The following MAML1 variants were observed in gnomAD, a reference collection of about 807,000 sequenced individuals.
MAML1 encodes the protein mastermind-like protein 1.
Under a neutral mutation model 77.1 loss-of-function variants are expected in MAML1, and 14 were observed. That is an observed-to-expected ratio of 0.18 (90% CI 0.12 to 0.28). The LOEUF (loss-of-function observed/expected upper bound fraction) is 0.28. Ranked by LOEUF, MAML1 falls within the 10% of genes least tolerant of loss-of-function variation. MAML1 has a pLI of 1.00. For synonymous variants in MAML1, 516 were observed against 551.9 expected, an observed-to-expected ratio of 0.93 and a Z score of 0.91; for missense variants, 1,217 against 1,327.8, an observed-to-expected ratio of 0.92 and a Z score of 1.30.
At chr5:179,753,550 T>C (rs998060023) in intron 1 of MAML1, among the ~76,000 whole-genome samples, 5 of 152,000 alleles carry the variant, frequency 3.3e-5, no homozygotes, top group East Asian at 1.9e-4. Flanking sequence ...CACCGAGTGA[T>C]TGATGCCTCG....
rs767373656 is a variant in MAML1, at chr5:179,764,986, A to AT, written c.316-340_316-339insT. Among the ~76,000 whole-genome samples the AT allele has an allele frequency of 5.1e-4, 51 of 100,318 alleles. 1 individual carries two copies. The highest frequency in any genetic ancestry group is 1.8e-3 in the Admixed American group (15 of 8,532). 65.8% of individuals were successfully genotyped at this position (100,318 alleles called of 152,430 possible). A position where few individuals can be genotyped will look rare whatever the true frequency, so the allele number is the denominator to read the frequency against. On this transcript the variant is annotated intron_variant, in intron 1 of 4. Transcript: ENST00000292599. ...CATCTCAAAACATATATATATATATAATATATATATGTGTGTGTGTGTGTG... is the reference window on the plus strand; with the variant it reads ...CATCTCAAAACATATATATATATATATATATATATATGTGTGTGTGTGTGTG...
chr5:179,740,517 C>G (rs1228460417), intron 1 of MAML1, among the ~76,000 whole-genome samples: 1 of 152,006 alleles, frequency 6.6e-6, no homozygotes, highest in African/African-American at 2.4e-5. Flanking sequence ...ACCTCGTGAT[C>G]CGCCCATCTC....
At chr5:179,752,247 ACG>A (rs1434110589) in intron 1 of MAML1, among the ~76,000 whole-genome samples, 1 of 144,882 alleles carries the variant, frequency 6.9e-6, no homozygotes, top group Non-Finnish European at 1.5e-5. Flanking sequence ...AATCGCTTGA[ACG>A]CGGGAGGTGG....
chr5:179,754,035 G>A (rs946359773), intron 1 of MAML1, among the ~76,000 whole-genome samples: 8 of 151,992 alleles, frequency 5.3e-5, no homozygotes, highest in South Asian at 2.1e-4. Context: ...TGTAATCTCA[G>A]CACTTTGGGA....
intron 1 of MAML1, among the ~76,000 whole-genome samples, chr5:179,755,722 A>C (rs1461587429): frequency 6.7e-6 from 1 of 150,286 alleles, no homozygotes; most frequent in African/African-American, 2.5e-5. Flanking sequence ...TTTTAAGCTC[A>C]TCAGCTACTA....
chr5:179,752,797 G>T (rs1463818899), intron 1 of MAML1, among the ~76,000 whole-genome samples: 3 of 151,634 alleles, frequency 2.0e-5, no homozygotes, highest in South Asian at 2.1e-4. Context: ...TTTTTGAGAA[G>T]GAGTCTCACT....
Position 179,741,549 on chromosome 5 carries a change from G to A in MAML1, c.315+8122G>A, listed in dbSNP as rs566490898. Reference sequence around the variant, plus strand: ...AAAAATACAAAAATTAGCCGGGCACGGTAGCATACACCTGTAATCCCAGTT... The same window carrying A: ...AAAAATACAAAAATTAGCCGGGCACAGTAGCATACACCTGTAATCCCAGTT... On this transcript the variant is annotated intron_variant, in intron 1 of 4. Coordinates refer to ENST00000292599, the MANE Select transcript of MAML1 (RefSeq NM_014757.5). Among the ~76,000 whole-genome samples, 8 of 152,050 alleles carry A rather than the reference G, an allele frequency of 5.3e-5. No individual in the cohort carries two copies. The South Asian group carries it at 1.0e-3, about 20-fold the overall frequency.
At chr5:179,750,622 G>C (rs138471491) in intron 1 of MAML1, among the ~76,000 whole-genome samples, 1 of 151,960 alleles carries the variant, frequency 6.6e-6, no homozygotes, top group Non-Finnish European at 1.5e-5. Flanking sequence ...CACCATGTCC[G>C]GCTAATTATT....
intron 4 of MAML1, among the ~76,000 whole-genome samples, chr5:179,773,167 A>G (rs888741716): frequency 2.4e-4 from 36 of 151,966 alleles, no homozygotes; most frequent in African/African-American, 7.7e-4. Context: ...ACAGGCGTGA[A>G]CCACCGCGCC....
rs1779830235 is a variant in MAML1, at chr5:179,766,909, G to A, written c.1731+168G>A. On this transcript the variant is annotated intron_variant, in intron 2 of 4. Transcript: ENST00000292599. The surrounding 1 kb of genome is among the most constrained non-coding windows in gnomAD (Gnocchi z 4.0). ...AGTGGAAATTTATAAAATAAACCAGGGTTGATTGTTAATAAAAAATAGGGT... is the reference window on the plus strand; with the variant it reads ...AGTGGAAATTTATAAAATAAACCAGAGTTGATTGTTAATAAAAAATAGGGT... Among the ~76,000 whole-genome samples, 1 of 152,150 alleles carries A rather than the reference G, an allele frequency of 6.6e-6. No individual in the cohort carries two copies. Among genetic ancestry groups the A allele is most frequent in the African/African-American group, 2.4e-5 (1 of 41,414 alleles).
Position 179,769,744 on chromosome 5 carries a change from GGT to G in MAML1, c.1971+656_1971+657del, listed in dbSNP as rs1755937578. The stretch of plus-strand genomic sequence containing the variant: ...ATTTTTGTGTTTTTAGTAGAGATGG[GGT>G]TTCACCACGTTGGCCAGGCTGGTCT... On this transcript the variant is annotated intron_variant, in intron 3 of 4. Transcript: ENST00000292599. The surrounding 1 kb of genome is among the most constrained non-coding windows in gnomAD (Gnocchi z 4.2). Among the ~76,000 whole-genome samples, 2 of 151,926 alleles carry G rather than the reference GGT, an allele frequency of 1.3e-5. No individual in the cohort carries two copies. The highest frequency in any genetic ancestry group is 4.8e-5 in the African/African-American group (2 of 41,332).
chr5:179,756,355 G>A (rs1174885187), intron 1 of MAML1, among the ~76,000 whole-genome samples: 2 of 151,060 alleles, frequency 1.3e-5, no homozygotes, highest in Non-Finnish European at 2.9e-5. Flanking sequence ...AACCTGGGAG[G>A]CCGAGCTTGC....
intron 1 of MAML1, among the ~76,000 whole-genome samples, chr5:179,752,598 C>CTTTTTTTTTTTTTT (rs1172970221): frequency 1.4e-5 from 1 of 71,836 alleles, no homozygotes. Flanking sequence ...ATTAGATACT[C>CTTTTTTTTTTTTTT]TTTTTTTTTT....
intron 1 of MAML1, among the ~76,000 whole-genome samples, chr5:179,738,833 T>C (rs879551101): frequency 1.3e-5 from 2 of 151,096 alleles, no homozygotes; most frequent in African/African-American, 2.4e-5. Flanking sequence ...TAGGCTGGAG[T>C]GCAGTGGCAC....
At chr5:179,733,987 A>C (rs913316169) in intron 1 of MAML1, among the ~76,000 whole-genome samples, 5 of 152,346 alleles carry the variant, frequency 3.3e-5, no homozygotes, top group Non-Finnish European at 7.3e-5. Flanking sequence ...TTCCTTGTTT[A>C]GGTAGCCTGA....
chr5:179,733,380 C>G lies in MAML1; in HGVS notation c.268C>G (p.Pro90Ala). ...GGCCCCGGCGCCCGCCGCCCCGGCC[C>G]CGCGCCTGGACGCCGCTGACGGCCC... Reference protein sequence around the residue: ...ATAPAPAAPAPRLDAADGPEH... With the variant: ...ATAPAPAAPAARLDAADGPEH... Residue 90 changes from proline to alanine, a missense_variant, in exon 1 of 5, where the codon CCG becomes GCG. Pro to Ala is a conservative substitution (Grantham distance 27). Coordinates refer to ENST00000292599, the MANE Select transcript of MAML1 (RefSeq NM_014757.5). 8.3e-7 allele frequency: 1 copy of G among 1,205,026 alleles called. No individual in the cohort carries two copies. The highest frequency in any genetic ancestry group is 1.0e-6 in the Non-Finnish European group (1 of 976,014). 74.6% of individuals were successfully genotyped at this position (1,205,026 alleles called of 1,614,324 possible). A position where few individuals can be genotyped will look rare whatever the true frequency, so the allele number is the denominator to read the frequency against.
chr5:179,744,703 C>T (rs966556657), intron 1 of MAML1, among the ~76,000 whole-genome samples: 1 of 151,616 alleles, frequency 6.6e-6, no homozygotes, highest in Non-Finnish European at 1.5e-5. Flanking sequence ...TTAGTAGAGA[C>T]GAGGTTTCAC....
chr5:179,744,154 T>G (rs1363658569), intron 1 of MAML1, among the ~76,000 whole-genome samples: 4 of 152,194 alleles, frequency 2.6e-5, no homozygotes, highest in Non-Finnish European at 5.9e-5. Context: ...TCTAGCACAT[T>G]TCTTTGCAAC....
chr5:179,753,539 A>C (rs1581934219), intron 1 of MAML1, among the ~76,000 whole-genome samples: 1 of 152,164 alleles, frequency 6.6e-6, no homozygotes, highest in Non-Finnish European at 1.5e-5. Context: ...CTGGACTTAC[A>C]CACCGAGTGA....
Sources: allele counts gnomAD v4.1 joint callset (sites outside exome capture counted in the v4.1 genomes callset), GRCh38; gene constraint gnomAD v4.1.1; non-coding constraint Gnocchi (gnomAD v3.1); transcripts MANE v1.5; gene names NCBI Gene and HGNC (gene_info 2026-07-23, HGNC 2026-07-21).